Variants in AP3S1 observed in about 807,000 individuals in gnomAD.
AP3S1 encodes AP-3 complex subunit sigma-1.
A neutral mutation model predicts 21.3 loss-of-function variants in AP3S1; 12 were observed. The ratio of observed to expected loss-of-function variants is 0.56; its 90% CI spans 0.36 to 0.91. The LOEUF (loss-of-function observed/expected upper bound fraction) is 0.91, where lower values mean the gene tolerates loss of function less well. Among genes scored for constraint, AP3S1 ranks in the 40% least tolerant of loss-of-function variants. The pLI, the probability that AP3S1 is intolerant of heterozygous loss-of-function variation, is 0.01. For synonymous variants in AP3S1, 48 were observed against 78.4 expected (o/e 0.61, Z 2.05); for missense variants, 116 against 225.0 (o/e 0.52, Z 3.10).
At chr5:115,882,950 T>G (rs994132400) in intron 3 of AP3S1, among the ~76,000 whole-genome samples, 4 of 152,286 alleles carry the variant, frequency 2.6e-5, no homozygotes, top group African/African-American at 9.6e-5. Context: ...TTTGCCATGT[T>G]GTGGTGGGCT....
At chr5:115,853,644 G>A (rs1269076536) in intron 1 of AP3S1, among the ~76,000 whole-genome samples, 4 of 152,142 alleles carry the variant, frequency 2.6e-5, no homozygotes, top group African/African-American at 9.7e-5. Context: ...TGTGTATGGT[G>A]TGAGGTGGGG....
At chr5:115,869,487 T>TC (rs1561491116) in intron 2 of AP3S1, among the ~76,000 whole-genome samples, 1 of 152,188 alleles carries the variant, frequency 6.6e-6, no homozygotes, top group African/African-American at 2.4e-5. Flanking sequence ...TGGCCTTTTT[T>TC]CTCTTCCCTG....
intron 1 of AP3S1, among the ~76,000 whole-genome samples, chr5:115,861,091 G>A (rs368264720): frequency 6.6e-6 from 1 of 152,170 alleles, no homozygotes; most frequent in Admixed American, 6.6e-5. Context: ...GGAAATTTGA[G>A]CACATTGTTA....
chr5:115,865,099 C>A (rs1004488131), intron 1 of AP3S1, among the ~76,000 whole-genome samples: 1 of 151,724 alleles, frequency 6.6e-6, no homozygotes, highest in Non-Finnish European at 1.5e-5. Context: ...CTCCAGCCTC[C>A]CCATCCACTA....
At chr5:115,893,478 G>A (rs576097035) in intron 3 of AP3S1, among the ~76,000 whole-genome samples, 3 of 152,248 alleles carry the variant, frequency 2.0e-5, no homozygotes, top group East Asian at 1.9e-4. Context: ...GGTTTCCATC[G>A]ATAGTAAACT....
intron 1 of AP3S1, among the ~76,000 whole-genome samples, chr5:115,863,010 C>A (rs907007314): frequency 4.6e-5 from 7 of 152,200 alleles, no homozygotes; most frequent in Non-Finnish European, 4.4e-5. Context: ...TGCCTGTAAT[C>A]CCAGCACTTT....
chr5:115,875,369 T>C (rs144648784), intron 3 of AP3S1, among the ~76,000 whole-genome samples: 71 of 152,312 alleles, frequency 4.7e-4, no homozygotes, highest in African/African-American at 1.7e-3. Flanking sequence ...TCTGACCGAC[T>C]GAATATACAG....
chr5:115,846,131 G>A (rs752034091), intron 1 of AP3S1, among the ~76,000 whole-genome samples: 2 of 151,874 alleles, frequency 1.3e-5, no homozygotes, highest in Non-Finnish European at 2.9e-5. Flanking sequence ...AAATCCCTTC[G>A]GTTGTGATTC....
chr5:115,867,577 C>A (rs1162982437), intron 2 of AP3S1, among the ~76,000 whole-genome samples: 1 of 152,118 alleles, frequency 6.6e-6, no homozygotes. Context: ...TACTTTTTAT[C>A]ATGTGGAACA....
intron 1 of AP3S1, among the ~76,000 whole-genome samples, chr5:115,863,433 C>T (rs1330874703): frequency 1.3e-5 from 2 of 151,552 alleles, no homozygotes; most frequent in Non-Finnish European, 2.9e-5. Flanking sequence ...ATTAGCTGGG[C>T]ATGGTGGCGG....
chr5:115,876,124 T>A (rs1748694024), intron 3 of AP3S1, among the ~76,000 whole-genome samples: 1 of 152,208 alleles, frequency 6.6e-6, no homozygotes, highest in Admixed American at 6.5e-5. Context: ...AACAGTTATA[T>A]AACTTTAGGC....
chr5:115,842,153 G>T, intron 1 of AP3S1, 47 bp downstream of exon 1: 1 of 1,522,814 alleles, frequency 6.6e-7, no homozygotes, highest in Non-Finnish European at 8.8e-7. Context: ...AGTCGTTGGC[G>T]ACGGGCAGCG....
intron 3 of AP3S1, among the ~76,000 whole-genome samples, chr5:115,892,920 G>A (rs1408666685): frequency 6.6e-6 from 1 of 152,128 alleles, no homozygotes; most frequent in East Asian, 1.9e-4. Context: ...AACATCTCAT[G>A]TACCCCACAG....
intron 4 of AP3S1, among the ~76,000 whole-genome samples, chr5:115,899,034 C>T (rs1750994109): frequency 6.6e-6 from 1 of 152,280 alleles, no homozygotes; most frequent in Middle Eastern, 3.4e-3. Flanking sequence ...GGATGTATGA[C>T]TTTGAGAATG....
chr5:115,851,224 G>A (rs1049513972), intron 1 of AP3S1, among the ~76,000 whole-genome samples: 34 of 152,200 alleles, frequency 2.2e-4, no homozygotes, highest in Admixed American at 1.5e-3. Flanking sequence ...TTGTTTATCC[G>A]TTTGTCAGTG....
At chr5:115,913,226 C>T in intron 5 of AP3S1, 136 bp from the exon 6 acceptor site, 1 of 792,492 alleles carries the variant, frequency 1.3e-6, no homozygotes. Flanking sequence ...CCATTCCATA[C>T]CAATTCAAAC....
intron 1 of AP3S1, among the ~76,000 whole-genome samples, chr5:115,859,359 A>G (rs1251441509): frequency 6.6e-6 from 1 of 152,190 alleles, no homozygotes; most frequent in African/African-American, 2.4e-5. Context: ...GGCCAAAGGA[A>G]CTTCTACATC....
At chr5:115,851,247 G>C (rs749106964) in intron 1 of AP3S1, among the ~76,000 whole-genome samples, 5 of 152,264 alleles carry the variant, frequency 3.3e-5, no homozygotes, top group Admixed American at 1.3e-4. Flanking sequence ...AACTTGGGTT[G>C]CTTCCATCCT....
At chr5:115,870,322 T>C (rs1443244450) in intron 3 of AP3S1, among the ~76,000 whole-genome samples, 194 bp downstream of exon 3, 1 of 152,214 alleles carries the variant, frequency 6.6e-6, no homozygotes. Flanking sequence ...CTATCATAAC[T>C]AGTTTAATCA....
Sources: allele counts gnomAD v4.1 joint callset (sites outside exome capture counted in the v4.1 genomes callset), GRCh38; gene constraint gnomAD v4.1.1; transcripts MANE v1.5; gene names NCBI Gene and HGNC (gene_info 2026-07-23, HGNC 2026-07-21).